Variants in RRP1 observed in about 807,000 individuals in gnomAD.
RRP1 encodes the protein ribosomal RNA processing protein 1 homolog A.
RRP1 carries 37 observed loss-of-function variants against 54.6 expected under a neutral mutation model. The ratio of observed to expected loss-of-function variants is 0.68; its 90% CI spans 0.52 to 0.89. RRP1 has a LOEUF of 0.89. Among genes scored for constraint, RRP1 ranks in the 40% least tolerant of loss-of-function variants. The pLI, the probability that RRP1 is intolerant of heterozygous loss-of-function variation, is 0.00. For synonymous variants in RRP1, 262 were observed against 244.3 expected (o/e 1.07, Z -0.67); for missense variants, 639 against 612.5 (o/e 1.04, Z -0.46).
intron 4 of RRP1, among the ~76,000 whole-genome samples, chr21:43,794,596 C>T (rs1192687342): frequency 1.3e-5 from 2 of 152,140 alleles, no homozygotes; most frequent in African/African-American, 2.4e-5. Flanking sequence ...CCACTCTGGG[C>T]GTGTGGGCAT....
chr21:43,803,141 T>G (rs1296053896), intron 12 of RRP1, among the ~76,000 whole-genome samples: 1 of 152,242 alleles, frequency 6.6e-6, no homozygotes, highest in African/African-American at 2.4e-5. Context: ...AGTGGCCTCC[T>G]CTTTGTAGCC....
intron 5 of RRP1, among the ~76,000 whole-genome samples, chr21:43,795,797 C>T (rs1468375049): frequency 1.3e-5 from 2 of 152,200 alleles, no homozygotes; most frequent in Non-Finnish European, 2.9e-5. Flanking sequence ...AACAATCTGC[C>T]TGCCTAGGCC....
chr21:43,802,284 T>G lies in RRP1; in HGVS notation c.1020T>G (p.Pro340=). 7 of 1,613,268 alleles carry G rather than the reference T, an allele frequency of 4.3e-6. No individual in the cohort carries two copies. Among genetic ancestry groups the G allele is most frequent in the Non-Finnish European group, 5.9e-6 (7 of 1,179,798 alleles). Residue 340 remains proline (P), a synonymous_variant, in exon 12 of 13, where the codon CCT becomes CCG. Transcript: ENST00000497547. ...TGCCCTGGTTCTCAGGCATTTTCCC[T>G]GAAGATGAGATCCCAGAGAAGGCCT... ...KLQDLAGGIF[P]EDEIPEKACR...
chr21:43,801,272 C>T (rs945043522), intron 11 of RRP1, among the ~76,000 whole-genome samples: 9 of 152,160 alleles, frequency 5.9e-5, no homozygotes, highest in East Asian at 1.9e-4. Flanking sequence ...TGGTTAGAGA[C>T]GTAGGCGTTT....
intron 2 of RRP1, 56 bp downstream of exon 2, chr21:43,791,488 C>A: frequency 6.7e-7 from 1 of 1,497,228 alleles, no homozygotes; most frequent in Non-Finnish European, 9.3e-7. Flanking sequence ...GATGGATGGG[C>A]ATCTGGTCAA....
chr21:43,790,164 GA>G, intron 1 of RRP1, among the ~76,000 whole-genome samples: 2 of 152,342 alleles, frequency 1.3e-5, no homozygotes, highest in Middle Eastern at 3.4e-3. Flanking sequence ...TTCCACTCGA[GA>G]GTACCTCTCT....
rs754160691 is a variant in RRP1, at chr21:43,791,378, G to T, written c.162G>T (p.Lys54Asn). 44 of 1,614,002 alleles carry T rather than the reference G, an allele frequency of 2.7e-5. 1 individual carries two copies. The South Asian group carries it at 4.6e-4, about 17-fold the overall frequency. The part of the protein sequence containing the change: ...AGGFTHDELL[K>N]VWKGLFYCMW... ...GTTTTACGCACGACGAGCTGCTGAA[G>T]GTGTGGAAAGGACTGTTTTATTGCA... Residue 54 changes from lysine (K) to asparagine (N), a missense_variant, in exon 2 of 13, where the codon AAG becomes AAT. Lys to Asn is a moderately conservative substitution (Grantham distance 94). Transcript: ENST00000497547.
rs1348777112 is a variant in RRP1 at position 43,800,855 on chromosome 21, C to T, written c.990-7C>T. The T allele has an allele frequency of 1.2e-6, 2 of 1,613,564 alleles. No individual in the cohort carries two copies. Among genetic ancestry groups the T allele is most frequent in the African/African-American group, 1.3e-5 (1 of 74,950 alleles). On this transcript the variant is annotated splice_region_variant and splice_polypyrimidine_tract_variant and intron_variant, in intron 10 of 12. Transcript: ENST00000497547. ...GTGGTAAGTGGGTATCTGTCTTACT[C>T]TTTCAGGCTGCAGGACCTGGCAGGA...
intron 8 of RRP1, among the ~76,000 whole-genome samples, chr21:43,799,256 C>T (rs1356906479): frequency 6.6e-6 from 1 of 152,058 alleles, no homozygotes; most frequent in Non-Finnish European, 1.5e-5. Flanking sequence ...AGCTTGTAGT[C>T]AGCCACTCAG....
At chr21:43,794,045 G>A (rs1332867577) in intron 4 of RRP1, among the ~76,000 whole-genome samples, 1 of 151,990 alleles carries the variant, frequency 6.6e-6, no homozygotes, top group South Asian at 2.1e-4. Context: ...CACTGTGTAG[G>A]AGTCGGTCAC....
chr21:43,793,262 T>A, intron 3 of RRP1, 57 bp from the exon 4 acceptor site: 2 of 1,508,154 alleles, frequency 1.3e-6, no homozygotes, highest in Non-Finnish European at 1.8e-6. Flanking sequence ...CTCACCTCCC[T>A]CCCCAGAGTG....
Position 43,789,621 on chromosome 21 carries a change from G to A in RRP1, c.-9G>A. The A allele has an allele frequency of 6.3e-7, 1 of 1,586,568 alleles. No homozygotes were observed. Among genetic ancestry groups the A allele is most frequent in the Non-Finnish European group, 8.6e-7 (1 of 1,168,148 alleles). On this transcript the variant is annotated 5_prime_UTR_variant, in exon 1 of 13. Coordinates refer to ENST00000497547, the MANE Select transcript of RRP1 (RefSeq NM_003683.6). ...GACTCCGGGACAGGGGGTCTCGGCC[G>A]TCGGCGTCATGGTTTCGCGCGTGCA...
At chr21:43,800,727 C>A in intron 10 of RRP1, 113 bp downstream of exon 10, 2 of 1,498,958 alleles carry the variant, frequency 1.3e-6, no homozygotes, top group South Asian at 2.3e-5. Context: ...CCGGGGTGAT[C>A]CCCGCTAGGA....
rs539206437 is a variant in RRP1, at chr21:43,793,460, G to T, written c.360+56G>T. ...GGGGCAGCGCGGGTCTCAGTGCCTG[G>T]CCAAGCGAGACAGGCGGCACCTGGG... is the stretch of plus-strand genomic sequence containing the variant. On this transcript the variant is annotated intron_variant, in intron 4 of 12. Transcript: ENST00000497547. The T allele has an allele frequency of 3.4e-6, 5 of 1,482,328 alleles. No homozygotes were observed. The South Asian group carries it at 5.7e-5, about 17-fold the overall frequency. 91.8% of individuals were successfully genotyped at this position (1,482,328 alleles called of 1,614,324 possible).
At chr21:43,790,207 A>T (rs369841961) in intron 1 of RRP1, among the ~76,000 whole-genome samples, 2 of 152,142 alleles carry the variant, frequency 1.3e-5, no homozygotes. Context: ...TGTTCATGGT[A>T]CCAGGTGGTT....
Position 43,789,693 on chromosome 21 carries a change from C to A in RRP1, c.64C>A (p.Gln22Lys), listed in dbSNP as rs770392911. 2 of 1,563,352 alleles carry A rather than the reference C, an allele frequency of 1.3e-6. No homozygotes were observed. Among genetic ancestry groups the A allele is most frequent in the Admixed American group, 3.7e-5 (2 of 53,334 alleles). The change falls in exon 1 of 13, where the codon CAG becomes AAG. Residue 22 changes from glutamine (Q) to lysine (K), a missense_variant. Transcript: ENST00000497547. ...GGCTCAGCGCCTGGCGGGGAATGAG[C>A]AGGTGACCCGGGACCGGGCGGTGAG... ...QLAQRLAGNE[Q>K]VTRDRAVRKL... is the part of the protein sequence containing the mutation.
rs572776870 is a variant in RRP1 at position 43,796,794 on chromosome 21, G to A, written c.423-628G>A. Among the ~76,000 whole-genome samples the A allele has an allele frequency of 8.5e-5, 13 of 152,308 alleles. No homozygotes were observed. The South Asian group carries it at 2.7e-3, about 32-fold the overall frequency. On this transcript the variant is annotated intron_variant, in intron 5 of 12. Transcript: ENST00000497547. ...GCAGCTGCGTTATTAAGCACCCCAG[G>A]AGGTCCAGATGCATGTAGGTGCTAC...
At position 43,795,250 on chromosome 21, in the gene RRP1, GGTGGGT is replaced by G; in HGVS notation, c.422+2_422+7del. On this transcript the variant is annotated splice_donor_variant and splice_donor_5th_base_variant and intron_variant, in intron 5 of 12. Coordinates refer to ENST00000497547, the MANE Select transcript of RRP1 (RefSeq NM_003683.6). LOFTEE classifies it high-confidence loss of function. ...CTGAAGATGCAAGGCTGGGAAGAAAGGTGGGTGCGCGGCGGGCCTGCTCTGGGGGGA... is the reference window on the plus strand; with the variant it reads ...CTGAAGATGCAAGGCTGGGAAGAAAGGCGCGGCGGGCCTGCTCTGGGGGGA... The G allele has an allele frequency of 6.2e-7, 1 of 1,614,118 alleles. No homozygotes were observed. Among genetic ancestry groups the G allele is most frequent in the Non-Finnish European group, 8.5e-7 (1 of 1,179,994 alleles).
intron 2 of RRP1, among the ~76,000 whole-genome samples, chr21:43,792,172 C>T (rs1394709369): frequency 6.6e-6 from 1 of 152,182 alleles, no homozygotes; most frequent in Non-Finnish European, 1.5e-5. Flanking sequence ...GTTCCTGGGC[C>T]ATATTCCATG....
Sources: gnomAD v4.1 joint callset for allele counts (sites outside exome capture counted in the v4.1 genomes callset) on GRCh38, gnomAD v4.1.1 for gene constraint, MANE v1.5 for transcripts, NCBI Gene and HGNC (gene_info 2026-07-23, HGNC 2026-07-21) for gene names.